The following MALRD1 variants were observed in gnomAD, a reference collection of about 807,000 sequenced individuals.
MALRD1 encodes MAM and LDL receptor class A domain containing 1.
MALRD1 carries 247 observed loss-of-function variants against 242.1 expected under a neutral mutation model. The observed-to-expected ratio is 1.02, with a 90% CI of 0.92 to 1.13. The LOEUF is 1.13. Among genes scored for constraint, MALRD1 ranks in the 50% most tolerant of loss-of-function variants. MALRD1 has a pLI of 0.00. For missense variants in MALRD1, 2,989 were observed against 2,533.1 expected (o/e 1.18, Z -3.86); for synonymous variants, 995 against 866.6 (o/e 1.15, Z -2.60).
rs549584004 is a variant in MALRD1, at chr10:19,106,560, G to T, written c.694+2485G>T. Among the ~76,000 whole-genome samples the T allele has an allele frequency of 2.7e-5, 4 of 150,632 alleles. No homozygotes were observed. The East Asian group carries it at 7.8e-4, about 29-fold the overall frequency. On this transcript the variant is annotated intron_variant, in intron 5 of 39. Coordinates refer to ENST00000454679, the MANE Select transcript of MALRD1 (RefSeq NM_001142308.3). ...AATCCAGCTATTGTTTGTCAATTTT[G>T]TTTATCTTTTTTAAAAAAACAACTT...
intron 28 of MALRD1, among the ~76,000 whole-genome samples, chr10:19,426,009 A>G (rs1269945202): frequency 6.6e-6 from 1 of 152,174 alleles, no homozygotes; most frequent in African/African-American, 2.4e-5. Context: ...TGGAAAGAAA[A>G]TAAGATGAGG....
At chr10:19,191,133 T>C (rs894680292) in intron 14 of MALRD1, among the ~76,000 whole-genome samples, 8 of 152,068 alleles carry the variant, frequency 5.3e-5, no homozygotes, top group Admixed American at 3.3e-4. Context: ...AATTCAAAAA[T>C]AGACAAAATA....
At chr10:19,437,073 A>G (rs1834377899) in intron 28 of MALRD1, among the ~76,000 whole-genome samples, 3 of 117,554 alleles carry the variant, frequency 2.6e-5, no homozygotes, top group South Asian at 5.5e-4. Context: ...TGCAACAAAT[A>G]TTAGCAAAAC....
rs2131878059 is a variant in MALRD1 at position 19,280,092 on chromosome 10, C to A, written c.3125C>A (p.Pro1042His). 1 of 1,535,388 alleles carries A rather than the reference C, an allele frequency of 6.5e-7. No individual in the cohort carries two copies. Among genetic ancestry groups the A allele is most frequent in the South Asian group, 1.2e-5 (1 of 81,304 alleles). Residue 1042 changes from proline (P) to histidine (H), a missense_variant, in exon 20 of 40, where the codon CCT (proline) becomes CAT (histidine). Physicochemically the swap from Pro to His is moderately conservative, Grantham distance 77. Coordinates refer to ENST00000454679, the MANE Select transcript of MALRD1 (RefSeq NM_001142308.3). The part of the protein sequence containing the change: ...DLPTPPETSV[P>H]VTLPPHNCTD... ...CCAACTCCACCAGAAACGTCAGTTCCTGTAACATTACCTCCACACAACTGC... is the reference window on the plus strand; with the variant it reads ...CCAACTCCACCAGAAACGTCAGTTCATGTAACATTACCTCCACACAACTGC...
At chr10:19,709,384 C>G (rs1351384187) in intron 38 of MALRD1, among the ~76,000 whole-genome samples, 5 of 151,970 alleles carry the variant, frequency 3.3e-5, no homozygotes, top group Non-Finnish European at 4.4e-5. Context: ...AGATTGGCCA[C>G]TGCACTCTAG....
chr10:19,403,957 G>C (rs1280212844), intron 28 of MALRD1, among the ~76,000 whole-genome samples: 1 of 152,032 alleles, frequency 6.6e-6, no homozygotes, highest in African/African-American at 2.4e-5. Context: ...AACATGTATT[G>C]TGAAAAGCAG....
At chr10:19,078,471 T>G (rs2358288) in intron 2 of MALRD1, among the ~76,000 whole-genome samples, 81,623 of 151,660 alleles carry the variant, frequency 0.54, 22,120 homozygotes, top group Middle Eastern at 0.59. Context: ...AGTTATGTTG[T>G]TCTCTTGTTT....
chr10:19,493,382 G>C (rs1837573862), intron 30 of MALRD1: 2 of 151,898 alleles, frequency 1.3e-5, no homozygotes, highest in African/African-American at 2.4e-5. Context: ...CACATCTTAA[G>C]ACTTTATTAC....
rs1836939747 is a variant in MALRD1 at position 19,209,402 on chromosome 10, G to C, written c.2713G>C (p.Gly905Arg). The C allele has an allele frequency of 1.3e-6, 2 of 1,550,866 alleles. No individual in the cohort carries two copies. The highest frequency in any genetic ancestry group is 2.4e-5 in the South Asian group (2 of 84,062). Residue 905 changes from glycine (G) to arginine (R), a missense_variant, in exon 18 of 40, where the codon GGC (glycine) becomes CGC (arginine). Transcript: ENST00000454679. ...AGGGCCAATGAAAGATAACACTCTGGGCACAGCTAAAGGACACTATCTCTA... is the reference window on the plus strand; with the variant it reads ...AGGGCCAATGAAAGATAACACTCTGCGCACAGCTAAAGGACACTATCTCTA... ...NTGPMKDNTLGTAKGHYLYIE... is the reference protein window; with the variant it reads ...NTGPMKDNTLRTAKGHYLYIE...
Position 19,730,769 on chromosome 10 carries a change from A to C in MALRD1, c.6378A>C (p.Pro2126=), listed in dbSNP as rs1290481171. The change falls in exon 39 of 40, where the codon CCA becomes CCC. Residue 2126 remains proline (P), a synonymous_variant. Transcript: ENST00000454679. ...CAGTTTACGGGAACTGGAGCAACCC[A>C]GAGAAAACAGAGGTAAGTGGCAAGG... is the stretch of plus-strand genomic sequence containing the variant. ...VNPVYGNWSN[P]EKTESSVYSF... is the part of the protein sequence containing the mutation. 3.3e-6 allele frequency: 5 copies of C among 1,536,574 alleles called. No homozygotes were observed. The highest frequency in any genetic ancestry group is 4.4e-6 in the Non-Finnish European group (5 of 1,147,024).
intron 38 of MALRD1, among the ~76,000 whole-genome samples, chr10:19,725,228 C>G (rs560628932): frequency 6.6e-6 from 1 of 152,212 alleles, no homozygotes; most frequent in Non-Finnish European, 1.5e-5. Flanking sequence ...CCCCACAAGC[C>G]GTGGGAGGGA....
In MALRD1 at chr10:19,493,527, C is replaced by T. The variant is rs186452486; in HGVS notation, c.5158+1882C>T. ...TATTTCTAGCTTCTTTTAAATTCACCGGCCAGGCGCAGTGGCTCACACCTG... is the reference window on the plus strand; with the variant it reads ...TATTTCTAGCTTCTTTTAAATTCACTGGCCAGGCGCAGTGGCTCACACCTG... On this transcript the variant is annotated intron_variant, in intron 30 of 39. Coordinates refer to ENST00000454679, the MANE Select transcript of MALRD1 (RefSeq NM_001142308.3). Among the ~76,000 whole-genome samples the T allele has an allele frequency of 3.7e-3, 566 of 151,642 alleles. 5 individuals carry two copies. The highest frequency in any genetic ancestry group is 0.013 in the African/African-American group (545 of 41,348).
At chr10:19,070,061 C>G (rs542552965) in intron 2 of MALRD1, among the ~76,000 whole-genome samples, 1 of 152,152 alleles carries the variant, frequency 6.6e-6, no homozygotes, top group Admixed American at 6.6e-5. Flanking sequence ...TTCTGGTTTT[C>G]AGCGTGCATA....
intron 21 of MALRD1, among the ~76,000 whole-genome samples, chr10:19,322,954 A>G (rs1013634480): frequency 2.6e-5 from 4 of 152,214 alleles, no homozygotes; most frequent in Non-Finnish European, 5.9e-5. Flanking sequence ...AAAAAGCTGT[A>G]TATAACCTAG....
intron 2 of MALRD1, among the ~76,000 whole-genome samples, chr10:19,072,006 A>G (rs1183010359): frequency 6.6e-6 from 1 of 152,130 alleles, no homozygotes; most frequent in African/African-American, 2.4e-5. Context: ...TGAACTTGCA[A>G]TCTGGTGATA....
intron 33 of MALRD1, among the ~76,000 whole-genome samples, chr10:19,579,353 G>C (rs919947205): frequency 6.6e-6 from 1 of 152,152 alleles, no homozygotes; most frequent in African/African-American, 2.4e-5. Flanking sequence ...TGTTCCCAAA[G>C]TGCATGTGAA....
In MALRD1 at chr10:19,551,152, A is replaced by G. The variant is rs560702687; in HGVS notation, c.5479-16350A>G. 4.0e-4 allele frequency among the ~76,000 whole-genome samples: 61 copies of G among 152,146 alleles called. 1 individual carries two copies. The highest frequency in any genetic ancestry group is 1.4e-3 in the African/African-American group (59 of 41,534). On this transcript the variant is annotated intron_variant, in intron 32 of 39. Coordinates refer to ENST00000454679, the MANE Select transcript of MALRD1 (RefSeq NM_001142308.3). ...TGTTCATATCCTTTGCACATTTTTAATAAGGTTGTTTTTGTTCCTATAAAC... is the reference window on the plus strand; with the variant it reads ...TGTTCATATCCTTTGCACATTTTTAGTAAGGTTGTTTTTGTTCCTATAAAC...
At chr10:19,409,315 T>C (rs1833173638) in intron 28 of MALRD1, among the ~76,000 whole-genome samples, 1 of 152,090 alleles carries the variant, frequency 6.6e-6, no homozygotes. Flanking sequence ...GCTGGGTGAG[T>C]GCAGTGGCTT....
At chr10:19,503,961 G>C (rs7092743) in intron 31 of MALRD1, among the ~76,000 whole-genome samples, 106,835 of 152,118 alleles carry the variant, frequency 0.7, 38,152 homozygotes, top group African/African-American at 0.84. Flanking sequence ...TGACTGACAA[G>C]AGCATACAAG....
Sources: gnomAD v4.1 joint callset for allele counts (sites outside exome capture counted in the v4.1 genomes callset) on GRCh38, gnomAD v4.1.1 for gene constraint, MANE v1.5 for transcripts, NCBI Gene and HGNC (gene_info 2026-07-23, HGNC 2026-07-21) for gene names.